XIRP2: variants seen among roughly 807,000 people sequenced by gnomAD.
XIRP2 encodes xin actin-binding repeat-containing protein 2.
XIRP2 carries 236 observed loss-of-function variants against 277.0 expected under a neutral mutation model. The ratio of observed to expected loss-of-function variants is 0.85; its 90% CI spans 0.77 to 0.95. XIRP2 has a LOEUF of 0.95. Ranked by LOEUF, XIRP2 falls within the 40% of genes least tolerant of loss-of-function variation. The pLI is 0.00. For synonymous variants in XIRP2, 1,490 were observed against 1,416.5 expected (o/e 1.05, Z -1.17); for missense variants, 4,640 against 4,157.5 (o/e 1.12, Z -3.19).
intron 4 of XIRP2, among the ~76,000 whole-genome samples, chr2:167,215,736 C>T (rs895786221): frequency 3.9e-5 from 6 of 152,134 alleles, no homozygotes; most frequent in Non-Finnish European, 5.9e-5. Context: ...TAGAATCTTC[C>T]GGGAGGAGGG....
At chr2:166,926,576 G>T (rs1255171984) in intron 2 of XIRP2, among the ~76,000 whole-genome samples, 1 of 152,046 alleles carries the variant, frequency 6.6e-6, no homozygotes, top group African/African-American at 2.4e-5. Context: ...CTGCTTAGTG[G>T]TTATTCTTGA....
intron 2 of XIRP2, among the ~76,000 whole-genome samples, chr2:167,131,721 A>G (rs1691383181): frequency 6.6e-6 from 1 of 152,082 alleles, no homozygotes; most frequent in African/African-American, 2.4e-5. Flanking sequence ...CACACTTTAT[A>G]TACTCTCCCC....
chr2:167,111,452 T>G (rs1459548822), intron 2 of XIRP2, among the ~76,000 whole-genome samples: 1 of 152,184 alleles, frequency 6.6e-6, no homozygotes, highest in African/African-American at 2.4e-5. Flanking sequence ...CTGTTTTTAG[T>G]TTTGTTGGTG....
At chr2:167,196,750 C>A (rs1316349712) in intron 3 of XIRP2, among the ~76,000 whole-genome samples, 2 of 152,004 alleles carry the variant, frequency 1.3e-5, no homozygotes, top group African/African-American at 4.8e-5. Context: ...CTACTGAGGT[C>A]TTCTTCCTAG....
At chr2:167,190,899 G>A (rs1693309749) in intron 3 of XIRP2, among the ~76,000 whole-genome samples, 1 of 152,010 alleles carries the variant, frequency 6.6e-6, no homozygotes, top group Admixed American at 6.6e-5. Context: ...CTTTTTAAAT[G>A]TTCCAAAGAT....
At chr2:167,160,491 G>A (rs1000128039) in intron 3 of XIRP2, among the ~76,000 whole-genome samples, 3 of 152,176 alleles carry the variant, frequency 2.0e-5, no homozygotes, top group African/African-American at 7.2e-5. Flanking sequence ...TGTGGTGGGG[G>A]AAGCCTCAAA....
At position 167,209,780 on chromosome 2, in the gene XIRP2, G is replaced by A. The variant is rs75484929; in HGVS notation, c.563-955G>A. Among the ~76,000 whole-genome samples, 810 of 152,004 alleles carry A rather than the reference G, an allele frequency of 5.3e-3. 4 individuals carry two copies. The highest frequency in any genetic ancestry group is 0.017 in the Middle Eastern group (5 of 294). On this transcript the variant is annotated intron_variant, in intron 3 of 10. Coordinates refer to ENST00000409195, the MANE Select transcript of XIRP2 (RefSeq NM_152381.6). The stretch of plus-strand genomic sequence containing the variant: ...AAAAACTAGTTTTGAGATCAGTTCT[G>A]GCATACGTAAGCTAAATAGTTGTGG...
intron 5 of XIRP2, among the ~76,000 whole-genome samples, chr2:167,232,942 A>G (rs755094570): frequency 6.6e-6 from 1 of 151,956 alleles, no homozygotes; most frequent in Non-Finnish European, 1.5e-5. Context: ...TATGTGTATG[A>G]CATTATTTTG....
intron 2 of XIRP2, among the ~76,000 whole-genome samples, chr2:166,963,581 A>G (rs1300042047): frequency 2.6e-5 from 4 of 151,860 alleles, no homozygotes; most frequent in Admixed American, 1.3e-4. Context: ...AGAGGTTGCA[A>G]TGTCACCAAT....
chr2:167,224,783 A>G (rs750936405), intron 5 of XIRP2, among the ~76,000 whole-genome samples: 2 of 152,202 alleles, frequency 1.3e-5, no homozygotes, highest in African/African-American at 2.4e-5. Context: ...AAAATAGCGT[A>G]TGATTCACAA....
intron 2 of XIRP2, among the ~76,000 whole-genome samples, chr2:167,044,434 A>G (rs1688738490): frequency 6.6e-6 from 1 of 152,112 alleles, no homozygotes; most frequent in South Asian, 2.1e-4. Flanking sequence ...GCAATCAGGC[A>G]AGAGAAATAG....
intron 2 of XIRP2, among the ~76,000 whole-genome samples, chr2:167,121,718 A>G (rs1437513003): frequency 1.3e-5 from 2 of 152,164 alleles, no homozygotes; most frequent in Non-Finnish European, 2.9e-5. Context: ...TTCTTGACTG[A>G]GAAGGGAAAG....
At chr2:166,971,215 C>T (rs1686566819) in intron 2 of XIRP2, among the ~76,000 whole-genome samples, 2 of 151,882 alleles carry the variant, frequency 1.3e-5, no homozygotes, top group African/African-American at 2.4e-5. Flanking sequence ...CTTTCTTCCC[C>T]TAGAACATAT....
At chr2:167,184,501 T>C (rs1263403283) in intron 3 of XIRP2, 2 of 708,124 alleles carry the variant, frequency 2.8e-6, no homozygotes, top group South Asian at 3.0e-5. Context: ...TCCAGTCCCA[T>C]GGAATTGCCA....
chr2:167,087,317 C>T (rs1449935755), intron 2 of XIRP2, among the ~76,000 whole-genome samples: 20 of 152,056 alleles, frequency 1.3e-4, no homozygotes, highest in South Asian at 4.1e-4. Flanking sequence ...TCTCCAGCTG[C>T]GTGCTGGGAG....
chr2:167,130,917 T>C (rs1242932844), intron 2 of XIRP2, among the ~76,000 whole-genome samples: 1 of 152,140 alleles, frequency 6.6e-6, no homozygotes, highest in African/African-American at 2.4e-5. Context: ...TAACAGGCCC[T>C]ATTGGTAGCC....
At chr2:166,952,247 T>C (rs754427892) in intron 2 of XIRP2, among the ~76,000 whole-genome samples, 6 of 152,024 alleles carry the variant, frequency 3.9e-5, no homozygotes, top group Non-Finnish European at 7.4e-5. Context: ...GTCCGGTGGA[T>C]GAGCTGAGCT....
chr2:167,111,508 C>T (rs1219032026), intron 2 of XIRP2, among the ~76,000 whole-genome samples: 1 of 152,066 alleles, frequency 6.6e-6, no homozygotes, highest in Non-Finnish European at 1.5e-5. Context: ...CCAACCTTAT[C>T]TACCAGTCAT....
chr2:167,246,588 G>A lies in XIRP2; in HGVS notation c.5196G>A (p.Arg1732=). ...SSTSNNKISE[R]AKIDASERGN... ...CATCAAACAATAAAATATCTGAAAG[G>A]GCTAAAATTGATGCCTCTGAGAGAG... is the stretch of plus-strand genomic sequence containing the variant. The change falls in exon 9 of 11, where the codon AGG becomes AGA. Residue 1732 remains arginine, a synonymous_variant. Coordinates refer to ENST00000409195, the MANE Select transcript of XIRP2 (RefSeq NM_152381.6). 1 of 1,613,722 alleles carries A rather than the reference G, an allele frequency of 6.2e-7. No homozygotes were observed. Among genetic ancestry groups the A allele is most frequent in the Non-Finnish European group, 8.5e-7 (1 of 1,179,832 alleles).
Sources: gnomAD v4.1 joint callset for allele counts (sites outside exome capture counted in the v4.1 genomes callset) on GRCh38, gnomAD v4.1.1 for gene constraint, MANE v1.5 for transcripts, NCBI Gene and HGNC (gene_info 2026-07-23, HGNC 2026-07-21) for gene names.